The following DOCK2 variants were observed in gnomAD, a reference collection of about 807,000 sequenced individuals.
The protein encoded by DOCK2 is dedicator of cytokinesis 2.
DOCK2 carries 87 observed loss-of-function variants against 248.9 expected under a neutral mutation model. The observed-to-expected ratio is 0.35, with a 90% CI of 0.29 to 0.42. The LOEUF is 0.42. Ranked by LOEUF, DOCK2 falls within the 10% of genes least tolerant of loss-of-function variation. The pLI is 1.00. For missense variants in DOCK2, 1,747 were observed against 2,300.2 expected (o/e 0.76, Z 4.92); for synonymous variants, 805 against 821.6 (o/e 0.98, Z 0.35).
At chr5:169,946,840 G>A (rs998216264) in intron 27 of DOCK2, among the ~76,000 whole-genome samples, 1 of 152,198 alleles carries the variant, frequency 6.6e-6, no homozygotes, top group African/African-American at 2.4e-5. Flanking sequence ...ACATGGAAAG[G>A]GCCTTTAGGC....
intron 50 of DOCK2, 134 bp from the exon 51 acceptor site, chr5:170,081,708 C>A: frequency 9.7e-7 from 1 of 1,031,600 alleles, no homozygotes; most frequent in Non-Finnish European, 1.4e-6. Context: ...GGCATCCTGC[C>A]TCCTGCTTGG....
intron 27 of DOCK2, among the ~76,000 whole-genome samples, chr5:169,936,832 T>C (rs1776022957): frequency 6.6e-6 from 1 of 152,158 alleles, no homozygotes; most frequent in Non-Finnish European, 1.5e-5. Flanking sequence ...CAAAACTCAA[T>C]TTAAATAACA....
intron 26 of DOCK2, among the ~76,000 whole-genome samples, chr5:169,813,444 G>A (rs1382497881): frequency 6.6e-6 from 1 of 152,118 alleles, no homozygotes; most frequent in Non-Finnish European, 1.5e-5. Flanking sequence ...GGAAAACGTT[G>A]CATATATCCA....
intron 27 of DOCK2, among the ~76,000 whole-genome samples, chr5:169,909,651 C>T (rs1363934869): frequency 6.6e-6 from 1 of 152,204 alleles, no homozygotes; most frequent in Non-Finnish European, 1.5e-5. Flanking sequence ...AGAATTCAAA[C>T]TCAAATCTGC....
intron 27 of DOCK2, chr5:169,864,165 C>T: frequency 9.9e-7 from 1 of 1,011,442 alleles, no homozygotes. Context: ...CCAAGGGGCT[C>T]ACAGCCCAGG....
intron 27 of DOCK2, among the ~76,000 whole-genome samples, chr5:169,926,030 T>G (rs1775432224): frequency 6.6e-6 from 1 of 152,146 alleles, no homozygotes; most frequent in African/African-American, 2.4e-5. Context: ...TGTCGTCAGC[T>G]CTGGTTAGTC....
At position 169,893,127 on chromosome 5, in the gene DOCK2, T is replaced by C. The variant is rs1773391732; in HGVS notation, c.2799+52275T>C. On this transcript the variant is annotated intron_variant, in intron 27 of 51. Transcript: ENST00000520908. ...GTGATTCATTCCTTTGGCTATTCTA[T>C]GTCAAGGGTGGGGAATCAGCATCTC... 2.0e-5 allele frequency among the ~76,000 whole-genome samples: 3 copies of C among 152,236 alleles called. No individual in the cohort carries two copies. In the East Asian group the frequency reaches 5.8e-4, roughly 29 times the overall value.
In DOCK2 at chr5:169,698,429, G is replaced by A. The variant is rs904828209; in HGVS notation, c.1035G>A (p.Gln345=). The change falls in exon 11 of 52, where the codon CAG becomes CAA. Residue 345 remains glutamine, a synonymous_variant. Transcript: ENST00000520908. ...AAGCAGAGAGTGATGAAGAAAAGCA[G>A]CACTTCATTCCTTTTCACCCGTAAG... is the stretch of plus-strand genomic sequence containing the variant. ...KGKAESDEEK[Q]HFIPFHPVTA... 15 of 1,613,968 alleles carry A rather than the reference G, an allele frequency of 9.3e-6. No individual in the cohort carries two copies. Among genetic ancestry groups the A allele is most frequent in the African/African-American group, 1.3e-5 (1 of 74,940 alleles).
intron 5 of DOCK2, among the ~76,000 whole-genome samples, chr5:169,673,376 A>G (rs1759143414): frequency 6.6e-6 from 1 of 152,088 alleles, no homozygotes; most frequent in Non-Finnish European, 1.5e-5. Context: ...AAGGACAAAA[A>G]TCAAGTGTGT....
chr5:169,788,373 T>C (rs1477445811), intron 25 of DOCK2, among the ~76,000 whole-genome samples: 1 of 152,198 alleles, frequency 6.6e-6, no homozygotes, highest in Non-Finnish European at 1.5e-5. Context: ...ACAAGAGCAC[T>C]AAACACAGTC....
intron 2 of DOCK2, among the ~76,000 whole-genome samples, chr5:169,656,440 C>T (rs1025746917): frequency 6.6e-6 from 1 of 152,086 alleles, no homozygotes; most frequent in African/African-American, 2.4e-5. Context: ...TCTTGCGCCT[C>T]AGCCTCATTC....
chr5:169,776,151 A>G (rs1231372020), intron 25 of DOCK2, among the ~76,000 whole-genome samples: 1 of 144,480 alleles, frequency 6.9e-6, no homozygotes, highest in Non-Finnish European at 1.5e-5. Flanking sequence ...TATTATATTT[A>G]TATAAATATA....
At chr5:170,049,805 G>A (rs960969671) in intron 40 of DOCK2, among the ~76,000 whole-genome samples, 1 of 152,214 alleles carries the variant, frequency 6.6e-6, no homozygotes, top group Admixed American at 6.5e-5. Context: ...ACATGGTCAG[G>A]AAGGATAAAG....
intron 22 of DOCK2, among the ~76,000 whole-genome samples, chr5:169,730,811 GA>G (rs752811973): frequency 5.9e-5 from 9 of 152,018 alleles, no homozygotes; most frequent in Admixed American, 3.3e-4. Context: ...CAGCCACCAT[GA>G]ATTTTTGGTT....
intron 44 of DOCK2, among the ~76,000 whole-genome samples, chr5:170,059,307 C>G (rs1757246355): frequency 6.6e-6 from 1 of 151,894 alleles, no homozygotes; most frequent in African/African-American, 2.4e-5. Flanking sequence ...TCATTTAATT[C>G]TCATAGACCC....
chr5:169,833,865 C>T (rs1387626995), intron 26 of DOCK2, among the ~76,000 whole-genome samples: 1 of 152,214 alleles, frequency 6.6e-6, no homozygotes, highest in Non-Finnish European at 1.5e-5. Flanking sequence ...GAAAGACTTG[C>T]ATATATTGAT....
chr5:170,050,388 C>T lies in DOCK2; in HGVS notation c.4204C>T (p.Pro1402Ser), dbSNP rs777943387. ...SAPGDDVKNA[P>S]GQYIQCFTVQ... The stretch of plus-strand genomic sequence containing the variant: ...CCCGGGAGATGATGTGAAGAATGCC[C>T]CAGGCCAGTGTATCCTTGGAGAATG... Residue 1402 changes from proline to serine, a missense_variant, in exon 41 of 52, where the codon CCA (proline) becomes TCA (serine). Transcript: ENST00000520908. 7.4e-6 allele frequency: 12 copies of T among 1,613,912 alleles called. No individual in the cohort carries two copies. The East Asian group carries it at 1.8e-4, about 24-fold the overall frequency.
At chr5:169,840,110 A>G (rs1447002485) in intron 26 of DOCK2, among the ~76,000 whole-genome samples, 1 of 152,234 alleles carries the variant, frequency 6.6e-6, no homozygotes, top group African/African-American at 2.4e-5. Context: ...CTGTACAGGA[A>G]GTGTGATGCT....
chr5:169,978,063 A>G (rs1350452556), intron 27 of DOCK2, among the ~76,000 whole-genome samples: 2 of 151,650 alleles, frequency 1.3e-5, no homozygotes, highest in South Asian at 2.1e-4. Context: ...ACTTTCCTTC[A>G]TCTCCTCTCA....
Sources: gnomAD v4.1 joint callset for allele counts (sites outside exome capture counted in the v4.1 genomes callset) on GRCh38, gnomAD v4.1.1 for gene constraint, MANE v1.5 for transcripts, NCBI Gene and HGNC (gene_info 2026-07-23, HGNC 2026-07-21) for gene names.